Variants in CACNA2D1 observed in about 807,000 individuals in gnomAD.
CACNA2D1 encodes the protein calcium voltage-gated channel auxiliary subunit alpha2delta 1.
In CACNA2D1, 53 loss-of-function variants were observed where a neutral mutation model predicts 171.5. The ratio of observed to expected loss-of-function variants is 0.31; its 90% CI spans 0.25 to 0.39. CACNA2D1 has a LOEUF of 0.39. Ranked by LOEUF, CACNA2D1 falls within the 10% of genes least tolerant of loss-of-function variation. The probability of loss-of-function intolerance (pLI) is 1.00; values close to 1 mark genes in which losing one functional copy is unlikely to be tolerated. For missense variants in CACNA2D1, 903 were observed against 1,299.8 expected (o/e 0.69, Z 4.69); for synonymous variants, 442 against 443.1 (o/e 1.00, Z 0.03).
At chr7:82,007,852 G>A (rs1267248255) in intron 15 of CACNA2D1, 96 bp from the exon 16 acceptor site, 7 of 738,188 alleles carry the variant, frequency 9.5e-6, no homozygotes, top group Non-Finnish European at 1.5e-5. Flanking sequence ...GCATTTTATA[G>A]TTACTTTATA....
In CACNA2D1 at chr7:82,266,760, G is replaced by A. The variant is rs146118474; in HGVS notation, c.294+68375C>T. ...TTGAACTCCTGACCTCAGGTGATCC[G>A]CCCACCTCTGCCTCTCAAAGTGCTG... On this transcript the variant is annotated intron_variant, in intron 3 of 38. Coordinates refer to ENST00000356860, the MANE Select transcript of CACNA2D1 (RefSeq NM_000722.4). Among the ~76,000 whole-genome samples, 1,254 of 152,122 alleles carry A rather than the reference G, an allele frequency of 8.2e-3. 25 individuals are homozygous for A. Among genetic ancestry groups the A allele is most frequent in the African/African-American group, 0.029 (1,185 of 41,500 alleles).
chr7:81,958,676 T>A (rs140018324), intron 38 of CACNA2D1, among the ~76,000 whole-genome samples: 2 of 151,872 alleles, frequency 1.3e-5, no homozygotes, highest in East Asian at 3.9e-4. Context: ...TAAATATGAT[T>A]TGTAATATTT....
intron 1 of CACNA2D1, among the ~76,000 whole-genome samples, chr7:82,418,367 A>G (rs1402984403): frequency 2.0e-5 from 3 of 152,162 alleles, no homozygotes; most frequent in Non-Finnish European, 4.4e-5. Flanking sequence ...ATATTAGACA[A>G]TAAGAGTAGA....
Position 81,950,192 on chromosome 7 carries a change from C to T in CACNA2D1, c.*200G>A. On this transcript the variant is annotated 3_prime_UTR_variant, in exon 39 of 39. Transcript: ENST00000356860. ...TGTTACACATAGATGATGCAGCATT[C>T]ACACACGTTTAAGGATCTGACACCC... is the stretch of plus-strand genomic sequence containing the variant. 1.2e-6 allele frequency: 1 copy of T among 831,262 alleles called. No individual in the cohort carries two copies. The highest frequency in any genetic ancestry group is 1.7e-5 in the African/African-American group (1 of 58,676). 51.5% of individuals were successfully genotyped at this position (831,262 alleles called of 1,614,324 possible). A position where few individuals can be genotyped will look rare whatever the true frequency, so the allele number is the denominator to read the frequency against.
intron 3 of CACNA2D1, among the ~76,000 whole-genome samples, chr7:82,195,902 G>T (rs1458145018): frequency 6.6e-6 from 1 of 152,006 alleles, no homozygotes; most frequent in African/African-American, 2.4e-5. Flanking sequence ...TGCAGTGGGT[G>T]GGTGTAGAGA....
intron 4 of CACNA2D1, among the ~76,000 whole-genome samples, chr7:82,165,630 C>T (rs1795374562): frequency 6.6e-6 from 1 of 151,970 alleles, no homozygotes; most frequent in Non-Finnish European, 1.5e-5. Flanking sequence ...CACAAATACG[C>T]CTGACTCCTT....
intron 3 of CACNA2D1, among the ~76,000 whole-genome samples, chr7:82,175,879 G>A (rs1436443481): frequency 6.6e-6 from 1 of 151,938 alleles, no homozygotes; most frequent in Non-Finnish European, 1.5e-5. Flanking sequence ...AATAGGCTAT[G>A]TCAGAACTAT....
At chr7:82,029,700 GATATAA>G (rs753406408) in intron 12 of CACNA2D1, 18 of 151,486 alleles carry the variant, frequency 1.2e-4, no homozygotes, top group Non-Finnish European at 1.8e-4. Flanking sequence ...ATTTGAAACA[GATATAA>G]ATATGTGTGG....
intron 3 of CACNA2D1, among the ~76,000 whole-genome samples, chr7:82,289,069 G>A (rs1383989349): frequency 6.6e-6 from 1 of 152,132 alleles, no homozygotes. Flanking sequence ...TATAAATCTG[G>A]ATGGGATCCA....
chr7:82,160,221 G>A (rs1359269034), intron 4 of CACNA2D1, among the ~76,000 whole-genome samples: 1 of 151,708 alleles, frequency 6.6e-6, no homozygotes, highest in Non-Finnish European at 1.5e-5. Context: ...ATTAGCCAGG[G>A]CAACCTTCAA....
chr7:82,296,481 C>G (rs1812301845), intron 3 of CACNA2D1, among the ~76,000 whole-genome samples: 1 of 152,088 alleles, frequency 6.6e-6, no homozygotes. Flanking sequence ...AATTATAAAC[C>G]TCTTAGAATA....
chr7:82,262,950 ACCTTGG>A (rs1183461669), intron 3 of CACNA2D1, among the ~76,000 whole-genome samples: 1 of 151,982 alleles, frequency 6.6e-6, no homozygotes, highest in Non-Finnish European at 1.5e-5. Context: ...CTGAGTTCCC[ACCTTGG>A]TCTCTCACCA....
chr7:82,069,775 TTCTC>T (rs1808103243), intron 7 of CACNA2D1, among the ~76,000 whole-genome samples: 1 of 152,072 alleles, frequency 6.6e-6, no homozygotes, highest in African/African-American at 2.4e-5. Context: ...TGAGGACTGA[TTCTC>T]TCGGTAGAAA....
chr7:81,947,893 T>C lies in CACNA2D1; in HGVS notation c.*2499A>G, dbSNP rs1162813766. On this transcript the variant is annotated 3_prime_UTR_variant, in exon 39 of 39. Coordinates refer to ENST00000356860, the MANE Select transcript of CACNA2D1 (RefSeq NM_000722.4). ...CAATTTGTAATTGCATTTATGGTTG[T>C]CATAATATATAACTTTATAGCAGAA... 1 of 151,906 alleles carries C rather than the reference T, an allele frequency of 6.6e-6. No homozygotes were observed. The highest frequency in any genetic ancestry group is 1.5e-5 in the Non-Finnish European group (1 of 67,844). The allele number at this position is 151,906 out of a possible 1,614,324, so 9.4% of individuals were successfully genotyped here.
intron 3 of CACNA2D1, among the ~76,000 whole-genome samples, chr7:82,191,874 G>A (rs1798330173): frequency 6.6e-6 from 1 of 151,700 alleles, no homozygotes; most frequent in Admixed American, 6.6e-5. Flanking sequence ...CAAGCTTAAT[G>A]AGATACGCTT....
intron 11 of CACNA2D1, among the ~76,000 whole-genome samples, chr7:82,034,674 T>C (rs1803084456): frequency 1.3e-5 from 2 of 151,958 alleles, no homozygotes; most frequent in South Asian, 4.2e-4. Flanking sequence ...ATGTGTAAAA[T>C]AGTCAAAATA....
At chr7:82,082,901 T>C (rs920625389) in intron 7 of CACNA2D1, among the ~76,000 whole-genome samples, 2 of 152,056 alleles carry the variant, frequency 1.3e-5, no homozygotes, top group African/African-American at 4.8e-5. Context: ...GAATATGTTT[T>C]ATTAGTAATT....
chr7:82,085,984 C>T (rs1810436960), intron 6 of CACNA2D1, among the ~76,000 whole-genome samples: 1 of 151,980 alleles, frequency 6.6e-6, no homozygotes, highest in African/African-American at 2.4e-5. Context: ...TTTCCCTTTA[C>T]ACAAAAAAAG....
rs536104784 is a variant in CACNA2D1, at chr7:82,246,450, T to C, written c.295-75841A>G. ...AGAACTGAACATCTAAGAAACATCA[T>C]AGAACATTTTTGGAAGTGCATGAGA... On this transcript the variant is annotated intron_variant, in intron 3 of 38. Coordinates refer to ENST00000356860, the MANE Select transcript of CACNA2D1 (RefSeq NM_000722.4). Among the ~76,000 whole-genome samples the C allele has an allele frequency of 2.0e-4, 30 of 152,250 alleles. No individual in the cohort carries two copies. The South Asian group carries it at 6.2e-3, about 32-fold the overall frequency.
Sources: gnomAD v4.1 joint callset for allele counts (sites outside exome capture counted in the v4.1 genomes callset) on GRCh38, gnomAD v4.1.1 for gene constraint, MANE v1.5 for transcripts, NCBI Gene and HGNC (gene_info 2026-07-23, HGNC 2026-07-21) for gene names.